Variants in GSK3B observed in about 807,000 individuals in gnomAD.
GSK3B encodes the protein glycogen synthase kinase-3 beta.
In GSK3B, 15 loss-of-function variants were observed where a neutral mutation model predicts 56.4. The ratio of observed to expected loss-of-function variants is 0.27; its 90% CI spans 0.18 to 0.41. The LOEUF is 0.41. GSK3B is among the 10% of genes least tolerant of loss of function. The pLI, the probability that GSK3B is intolerant of heterozygous loss-of-function variation, is 1.00. For missense variants in GSK3B, 300 were observed against 513.4 expected, an observed-to-expected ratio of 0.58 and a Z score of 4.02; for synonymous variants, 181 against 188.9, an observed-to-expected ratio of 0.96 and a Z score of 0.34.
chr3:119,830,192 GC>G (rs2055576776), intron 10 of GSK3B, among the ~76,000 whole-genome samples: 1 of 152,176 alleles, frequency 6.6e-6, no homozygotes, highest in African/African-American at 2.4e-5. Context: ...AGATGGACTG[GC>G]CCCTGGGCCA....
intron 2 of GSK3B, among the ~76,000 whole-genome samples, chr3:119,970,344 T>C (rs2057353998): frequency 6.6e-6 from 1 of 152,020 alleles, no homozygotes; most frequent in African/African-American, 2.4e-5. Context: ...CGAAAAGATA[T>C]TCAACACTAT....
At chr3:120,065,228 A>T (rs1164280238) in intron 1 of GSK3B, among the ~76,000 whole-genome samples, 1 of 152,204 alleles carries the variant, frequency 6.6e-6, no homozygotes, top group East Asian at 1.9e-4. Flanking sequence ...ACAAAGGTGA[A>T]GTATCAAGAA....
intron 1 of GSK3B, among the ~76,000 whole-genome samples, chr3:120,007,098 A>T (rs1328011567): frequency 6.6e-6 from 1 of 152,236 alleles, no homozygotes; most frequent in Non-Finnish European, 1.5e-5. Context: ...CTGATCCCAC[A>T]GAAATACAAA....
chr3:119,884,440 T>A (rs1001699785), intron 7 of GSK3B, among the ~76,000 whole-genome samples: 1 of 152,172 alleles, frequency 6.6e-6, no homozygotes, highest in Admixed American at 6.6e-5. Flanking sequence ...GCACATAGCA[T>A]GTAAGAGCAG....
intron 10 of GSK3B, among the ~76,000 whole-genome samples, chr3:119,830,422 G>A (rs941620059): frequency 2.4e-4 from 37 of 152,110 alleles, no homozygotes; most frequent in African/African-American, 8.9e-4. Flanking sequence ...TTAAAATTCC[G>A]ATAAATTGTC....
chr3:119,885,222 C>T (rs2056422380), intron 7 of GSK3B, among the ~76,000 whole-genome samples: 1 of 148,128 alleles, frequency 6.8e-6, no homozygotes, highest in African/African-American at 2.5e-5. Context: ...GCCCAATCAA[C>T]AACACAATCC....
intron 1 of GSK3B, chr3:120,084,655 T>C (rs545174319): frequency 6.6e-5 from 10 of 152,354 alleles, no homozygotes; most frequent in African/African-American, 1.9e-4. Flanking sequence ...GGTTTTCTCA[T>C]CTAAGATGTT....
intron 6 of GSK3B, among the ~76,000 whole-genome samples, chr3:119,910,242 T>C (rs1161219925): frequency 2.6e-5 from 4 of 152,168 alleles, no homozygotes; most frequent in African/African-American, 4.8e-5. Flanking sequence ...ATAGTAGGTA[T>C]ACCTTAAATT....
intron 1 of GSK3B, among the ~76,000 whole-genome samples, chr3:120,009,942 C>G (rs2057764034): frequency 6.6e-6 from 1 of 152,064 alleles, no homozygotes; most frequent in South Asian, 2.1e-4. Flanking sequence ...TTTATCATGG[C>G]CAGCCATCTT....
At chr3:120,088,459 T>C (rs1310112141) in intron 1 of GSK3B, among the ~76,000 whole-genome samples, 3 of 152,242 alleles carry the variant, frequency 2.0e-5, no homozygotes, top group Non-Finnish European at 2.9e-5. Flanking sequence ...ATTTATACAT[T>C]ACACTCAACA....
rs558312791 is a variant in GSK3B, at chr3:120,061,448, A to G, written c.88+31899T>C. Among the ~76,000 whole-genome samples the G allele has an allele frequency of 1.8e-4, 28 of 152,296 alleles. No homozygotes were observed. In the East Asian group the frequency reaches 5.2e-3, roughly 28 times the overall value. On this transcript the variant is annotated intron_variant, in intron 1 of 10. Coordinates refer to ENST00000264235, the MANE Select transcript of GSK3B (RefSeq NM_001146156.2). ...CAATGTGCTATTTTCACTATTATCAATTTATTTCAATGTAAAATGTTCTAC... is the reference window on the plus strand; with the variant it reads ...CAATGTGCTATTTTCACTATTATCAGTTTATTTCAATGTAAAATGTTCTAC...
chr3:120,052,524 T>C (rs893758677), intron 1 of GSK3B, among the ~76,000 whole-genome samples: 1 of 152,226 alleles, frequency 6.6e-6, no homozygotes, highest in East Asian at 1.9e-4. Context: ...ATATCCCATA[T>C]GGTAATTCTA....
At chr3:119,886,085 T>C (rs989288403) in intron 7 of GSK3B, among the ~76,000 whole-genome samples, 1 of 151,996 alleles carries the variant, frequency 6.6e-6, no homozygotes, top group Non-Finnish European at 1.5e-5. Context: ...AAAACAACTA[T>C]CAGCAGAATA....
At chr3:120,008,427 C>CT (rs2057748379) in intron 1 of GSK3B, among the ~76,000 whole-genome samples, 2 of 152,170 alleles carry the variant, frequency 1.3e-5, no homozygotes, top group African/African-American at 4.8e-5. Flanking sequence ...AAGAACAAAG[C>CT]TGGAGGCATC....
At chr3:119,991,540 C>G (rs905424421) in intron 2 of GSK3B, among the ~76,000 whole-genome samples, 23 of 143,812 alleles carry the variant, frequency 1.6e-4, no homozygotes, top group Admixed American at 1.5e-3. Context: ...AAGCCTCTCA[C>G]TGCCATTAGG....
intron 2 of GSK3B, among the ~76,000 whole-genome samples, chr3:119,961,629 A>C (rs2057272551): frequency 8.4e-6 from 1 of 118,986 alleles, no homozygotes; most frequent in Middle Eastern, 3.4e-3. Flanking sequence ...TCTGTCTCAC[A>C]AACAAAAAAA....
intron 7 of GSK3B, among the ~76,000 whole-genome samples, chr3:119,885,330 C>G (rs1032431762): frequency 2.9e-4 from 44 of 151,966 alleles, no homozygotes; most frequent in African/African-American, 8.7e-4. Flanking sequence ...TGAAAGATCT[C>G]TACAGGGAGA....
chr3:119,899,815 T>C (rs984497258), intron 7 of GSK3B, among the ~76,000 whole-genome samples: 2 of 152,138 alleles, frequency 1.3e-5, no homozygotes, highest in Non-Finnish European at 2.9e-5. Context: ...TCTCTCCTTT[T>C]CCCCTTCCCT....
intron 2 of GSK3B, among the ~76,000 whole-genome samples, chr3:119,959,793 C>G (rs1177769431): frequency 6.6e-6 from 1 of 151,794 alleles, no homozygotes; most frequent in African/African-American, 2.4e-5. Flanking sequence ...CTATTATTAG[C>G]AATAACAATT....
Sources: gnomAD v4.1 joint callset for allele counts (sites outside exome capture counted in the v4.1 genomes callset) on GRCh38, gnomAD v4.1.1 for gene constraint, MANE v1.5 for transcripts, NCBI Gene and HGNC (gene_info 2026-07-23, HGNC 2026-07-21) for gene names.